Variants in RSRC1 observed in about 807,000 individuals in gnomAD.
The protein encoded by RSRC1 is serine/Arginine-related protein 53.
RSRC1 carries 39 observed loss-of-function variants against 49.1 expected under a neutral mutation model. The ratio of observed to expected loss-of-function variants is 0.79; its 90% CI spans 0.61 to 1.04. RSRC1 has a LOEUF of 1.04. Among genes scored for constraint, RSRC1 ranks in the 50% least tolerant of loss-of-function variants. The pLI is 0.00. For synonymous variants in RSRC1, 143 were observed against 130.8 expected (o/e 1.09, Z -0.63); for missense variants, 388 against 402.4 (o/e 0.96, Z 0.31).
Position 158,326,837 on chromosome 3 carries a change from C to T in RSRC1, c.532-28020C>T, listed in dbSNP as rs1006313622. On this transcript the variant is annotated intron_variant, in intron 5 of 9. Coordinates refer to ENST00000611884, the MANE Select transcript of RSRC1 (RefSeq NM_001271838.2). Reference sequence around the variant, plus strand: ...TCCTCCTTGTACCTCTGGTACAATTCGGCTGTGAATCCCTCTGGTCCTATA... The same window carrying T: ...TCCTCCTTGTACCTCTGGTACAATTTGGCTGTGAATCCCTCTGGTCCTATA... 8.5e-5 allele frequency among the ~76,000 whole-genome samples: 13 copies of T among 152,128 alleles called. 1 individual carries two copies. The highest frequency in any genetic ancestry group is 1.9e-4 in the African/African-American group (8 of 41,426).
intron 1 of RSRC1, among the ~76,000 whole-genome samples, chr3:158,114,656 T>G (rs185031045): frequency 6.6e-6 from 1 of 152,334 alleles, no homozygotes; most frequent in African/African-American, 2.4e-5. Context: ...TCCACTTGTT[T>G]GTGTCCTCTC....
chr3:158,219,274 G>A (rs2108296462), intron 4 of RSRC1, among the ~76,000 whole-genome samples: 1 of 151,542 alleles, frequency 6.6e-6, no homozygotes, highest in African/African-American at 2.4e-5. Flanking sequence ...AGCATTGTTG[G>A]TTCTTCCTTT....
intron 4 of RSRC1, among the ~76,000 whole-genome samples, chr3:158,234,915 T>C (rs1723158553): frequency 6.6e-6 from 1 of 152,146 alleles, no homozygotes; most frequent in Non-Finnish European, 1.5e-5. Context: ...TGAATACTTT[T>C]TAATGAAACC....
intron 6 of RSRC1, among the ~76,000 whole-genome samples, chr3:158,387,795 G>A (rs968091624): frequency 6.6e-5 from 10 of 152,072 alleles, no homozygotes; most frequent in African/African-American, 2.4e-4. Context: ...TAAAACGTTT[G>A]CTTTAAAAAG....
chr3:158,509,427 T>G (rs1012655585), intron 7 of RSRC1, among the ~76,000 whole-genome samples: 3 of 152,314 alleles, frequency 2.0e-5, no homozygotes, highest in Admixed American at 2.0e-4. Flanking sequence ...ATTCTGAATT[T>G]TATGCGTATT....
At chr3:158,150,975 T>C (rs1351259772) in intron 3 of RSRC1, among the ~76,000 whole-genome samples, 3 of 152,210 alleles carry the variant, frequency 2.0e-5, no homozygotes, top group Non-Finnish European at 4.4e-5. Context: ...GTTATTTATG[T>C]ACATCTCTAA....
chr3:158,529,684 C>A (rs1560077119), intron 7 of RSRC1, among the ~76,000 whole-genome samples: 1 of 151,940 alleles, frequency 6.6e-6, no homozygotes, highest in Admixed American at 6.6e-5. Context: ...ACTTTCCCCA[C>A]TGGAAAGGTA....
chr3:158,384,949 G>C (rs538088191), intron 6 of RSRC1, among the ~76,000 whole-genome samples: 1 of 152,214 alleles, frequency 6.6e-6, no homozygotes, highest in South Asian at 2.1e-4. Flanking sequence ...ATGGCAGCTG[G>C]ATCAGTCAGC....
intron 3 of RSRC1, among the ~76,000 whole-genome samples, chr3:158,195,156 T>C (rs891799608): frequency 3.3e-5 from 5 of 152,114 alleles, no homozygotes; most frequent in African/African-American, 4.8e-5. Flanking sequence ...CTCTCCAGCA[T>C]CTGTTGTTTC....
At chr3:158,196,962 C>A (rs889794200) in intron 3 of RSRC1, among the ~76,000 whole-genome samples, 1 of 152,048 alleles carries the variant, frequency 6.6e-6, no homozygotes, top group Non-Finnish European at 1.5e-5. Context: ...CTAAAATTCT[C>A]TTTTTTTGTT....
At chr3:158,511,609 A>C (rs1740181732) in intron 7 of RSRC1, among the ~76,000 whole-genome samples, 1 of 152,232 alleles carries the variant, frequency 6.6e-6, no homozygotes. Flanking sequence ...TTATAGCAGC[A>C]TGATTTATAG....
At chr3:158,144,632 T>A (rs1380301656) in intron 3 of RSRC1, among the ~76,000 whole-genome samples, 6 of 152,190 alleles carry the variant, frequency 3.9e-5, no homozygotes, top group Admixed American at 3.9e-4. Flanking sequence ...TGATTTATAA[T>A]CCTTTGGATA....
At chr3:158,394,123 T>G (rs1006784936) in intron 6 of RSRC1, among the ~76,000 whole-genome samples, 2 of 151,892 alleles carry the variant, frequency 1.3e-5, no homozygotes, top group African/African-American at 4.8e-5. Flanking sequence ...TTAAAAACTC[T>G]CAACAAACTA....
chr3:158,217,025 C>A (rs1224962198), intron 4 of RSRC1, among the ~76,000 whole-genome samples: 1 of 151,648 alleles, frequency 6.6e-6, no homozygotes, highest in Non-Finnish European at 1.5e-5. Context: ...CTTAGAACTT[C>A]AGCTATATCT....
intron 6 of RSRC1, among the ~76,000 whole-genome samples, chr3:158,440,065 A>G (rs1378941082): frequency 1.1e-4 from 17 of 152,016 alleles, no homozygotes; most frequent in Admixed American, 1.1e-3. Flanking sequence ...GCAAACTACC[A>G]TGGCACGTGT....
intron 5 of RSRC1, among the ~76,000 whole-genome samples, chr3:158,350,844 G>A (rs1730832262): frequency 6.6e-6 from 1 of 151,974 alleles, no homozygotes; most frequent in African/African-American, 2.4e-5. Flanking sequence ...TACTGATCCT[G>A]GAGTCTAATA....
chr3:158,353,689 T>G (rs186648046), intron 5 of RSRC1, among the ~76,000 whole-genome samples: 29 of 152,200 alleles, frequency 1.9e-4, no homozygotes, highest in Middle Eastern at 3.2e-3. Context: ...ATCCAGTTAT[T>G]TAATTCTTTT....
At chr3:158,284,255 G>A (rs1365298695) in intron 4 of RSRC1, among the ~76,000 whole-genome samples, 2 of 151,758 alleles carry the variant, frequency 1.3e-5, no homozygotes, top group East Asian at 3.9e-4. Flanking sequence ...GTATTCCATG[G>A]TGTATATGTG....
chr3:158,528,342 G>A (rs540220776), intron 7 of RSRC1, among the ~76,000 whole-genome samples: 1 of 152,108 alleles, frequency 6.6e-6, no homozygotes, highest in East Asian at 1.9e-4. Flanking sequence ...TTTGAATGAT[G>A]GCTAGTGGCT....
Sources: allele counts gnomAD v4.1 joint callset (sites outside exome capture counted in the v4.1 genomes callset), GRCh38; gene constraint gnomAD v4.1.1; transcripts MANE v1.5; gene names NCBI Gene and HGNC (gene_info 2026-07-23, HGNC 2026-07-21).